Variants in PTPRD observed in about 807,000 individuals in gnomAD.
PTPRD encodes the protein protein tyrosine phosphatase receptor type D.
In PTPRD, 34 loss-of-function variants were observed where a neutral mutation model predicts 214.5. The observed-to-expected ratio is 0.16, with a 90% CI of 0.12 to 0.21. The LOEUF is 0.21. PTPRD is among the 10% of genes least tolerant of loss of function. The pLI, the probability that PTPRD is intolerant of heterozygous loss-of-function variation, is 1.00. For synonymous variants in PTPRD, 1,128 were observed against 845.7 expected, an observed-to-expected ratio of 1.33 and a Z score of -5.79; for missense variants, 2,545 against 2,398.7, an observed-to-expected ratio of 1.06 and a Z score of -1.27.
At chr9:9,525,668 G>T (rs2073958092) in intron 8 of PTPRD, among the ~76,000 whole-genome samples, 2 of 151,846 alleles carry the variant, frequency 1.3e-5, no homozygotes, top group South Asian at 2.1e-4. Flanking sequence ...AATCTAAAAA[G>T]AAATACTTTA....
chr9:10,186,300 T>C (rs2099329927), intron 3 of PTPRD, among the ~76,000 whole-genome samples: 1 of 152,152 alleles, frequency 6.6e-6, no homozygotes, highest in Non-Finnish European at 1.5e-5. Context: ...TTTAAATTTA[T>C]ATGATCAATC....
chr9:8,585,260 G>A (rs1342042202), intron 14 of PTPRD, among the ~76,000 whole-genome samples: 2 of 152,180 alleles, frequency 1.3e-5, no homozygotes, highest in African/African-American at 2.4e-5. Context: ...AGAGTAGACA[G>A]ATGCTTGAAG....
At chr9:10,569,505 G>C (rs915728715) in intron 2 of PTPRD, among the ~76,000 whole-genome samples, 1 of 143,338 alleles carries the variant, frequency 7.0e-6, no homozygotes, top group African/African-American at 2.6e-5. Flanking sequence ...GTATATGCAT[G>C]TCTCTCTCTC....
intron 21 of PTPRD, among the ~76,000 whole-genome samples, chr9:8,513,202 A>AGC (rs1310568354): frequency 3.3e-5 from 5 of 152,044 alleles, no homozygotes; most frequent in African/African-American, 9.6e-5. Flanking sequence ...TCATATTTAA[A>AGC]ACCATTTAAA....
At chr9:9,088,581 GAA>G (rs533619970) in intron 10 of PTPRD, among the ~76,000 whole-genome samples, 1,001 of 32,882 alleles carry the variant, frequency 0.03, no homozygotes, top group African/African-American at 0.091. Context: ...CTTAGTCTCA[GAA>G]AAAAAAAAAA....
At chr9:8,704,731 A>AG in intron 12 of PTPRD, among the ~76,000 whole-genome samples, 1 of 151,086 alleles carries the variant, frequency 6.6e-6, no homozygotes, top group East Asian at 2.0e-4. Context: ...GTCGAAGACC[A>AG]GTCTGGCCAA....
At chr9:8,528,412 A>T in intron 15 of PTPRD, 179 bp downstream of exon 15, 1 of 662,316 alleles carries the variant, frequency 1.5e-6, no homozygotes. Flanking sequence ...AGAAAGACAG[A>T]CTCTGAAACA....
intron 3 of PTPRD, among the ~76,000 whole-genome samples, chr9:10,265,752 G>C (rs981283167): frequency 6.6e-6 from 1 of 152,198 alleles, no homozygotes; most frequent in Non-Finnish European, 1.5e-5. Context: ...ATAGGCAACA[G>C]TTTGCTGACA....
intron 9 of PTPRD, among the ~76,000 whole-genome samples, chr9:9,238,102 G>T (rs1019736599): frequency 2.0e-5 from 3 of 152,060 alleles, no homozygotes; most frequent in Admixed American, 6.6e-5. Context: ...GGGACCTGAA[G>T]GAGACATCCT....
rs2135358744 is a variant in PTPRD at position 8,476,747 on chromosome 9, A to G, written c.3414-5662T>C. On this transcript the variant is annotated intron_variant, in intron 30 of 45. Transcript: ENST00000381196. ...ATTTGCTTAACTTTGCTATTTTATC[A>G]TGGAATTATTCTTCCACTGTAAAGA... Among the ~76,000 whole-genome samples the G allele has an allele frequency of 2.0e-5, 3 of 152,298 alleles. No homozygotes were observed. The South Asian group carries it at 6.2e-4, about 32-fold the overall frequency.
chr9:8,716,544 C>T (rs564364305), intron 12 of PTPRD, among the ~76,000 whole-genome samples: 2 of 151,350 alleles, frequency 1.3e-5, no homozygotes, highest in East Asian at 3.9e-4. Context: ...TTTCTAGAGG[C>T]CCTACACAGA....
chr9:8,414,349 A>AT (rs2093741019), intron 35 of PTPRD, among the ~76,000 whole-genome samples: 1 of 152,208 alleles, frequency 6.6e-6, no homozygotes, highest in African/African-American at 2.4e-5. Context: ...CAATTTTTAC[A>AT]TATGTACTTA....
chr9:10,398,694 C>T (rs1302209916), intron 2 of PTPRD, among the ~76,000 whole-genome samples: 2 of 151,790 alleles, frequency 1.3e-5, no homozygotes, highest in African/African-American at 2.4e-5. Flanking sequence ...AGAAAGTAAT[C>T]GGTATTAGTA....
intron 10 of PTPRD, among the ~76,000 whole-genome samples, chr9:9,076,198 A>G (rs1183125543): frequency 1.3e-5 from 2 of 152,172 alleles, no homozygotes; most frequent in East Asian, 1.9e-4. Flanking sequence ...TGTTGGCTGC[A>G]TAAATGTCTT....
intron 9 of PTPRD, among the ~76,000 whole-genome samples, chr9:9,238,447 C>G (rs567789944): frequency 1.3e-5 from 2 of 152,016 alleles, no homozygotes; most frequent in African/African-American, 2.4e-5. Context: ...GGGTTTTAAC[C>G]CTTTGTCTCT....
intron 12 of PTPRD, among the ~76,000 whole-genome samples, chr9:8,726,678 G>A (rs1270748518): frequency 7.9e-6 from 1 of 126,570 alleles, no homozygotes; most frequent in East Asian, 2.3e-4. Context: ...GTGGGCACCT[G>A]TAATCCCAGC....
chr9:8,362,584 G>T (rs941259792), intron 39 of PTPRD, among the ~76,000 whole-genome samples: 1 of 152,166 alleles, frequency 6.6e-6, no homozygotes, highest in Non-Finnish European at 1.5e-5. Flanking sequence ...GAGAGTTTAG[G>T]ATGTGAAGAA....
intron 7 of PTPRD, among the ~76,000 whole-genome samples, chr9:9,729,522 A>G (rs1305997087): frequency 6.6e-6 from 1 of 152,182 alleles, no homozygotes; most frequent in Non-Finnish European, 1.5e-5. Flanking sequence ...ATATTAATGC[A>G]CACCAATAGT....
intron 10 of PTPRD, among the ~76,000 whole-genome samples, chr9:9,135,116 G>A (rs536089269): frequency 6.6e-6 from 1 of 152,226 alleles, no homozygotes; most frequent in South Asian, 2.1e-4. Context: ...GTAGTGAGTT[G>A]TGTCTGGAAT....
Sources: gnomAD v4.1 joint callset for allele counts (sites outside exome capture counted in the v4.1 genomes callset) on GRCh38, gnomAD v4.1.1 for gene constraint, MANE v1.5 for transcripts, NCBI Gene and HGNC (gene_info 2026-07-23, HGNC 2026-07-21) for gene names.